Variants in RTN4 observed in about 807,000 individuals in gnomAD.
RTN4 encodes the protein reticulon 4.
A neutral mutation model predicts 90.4 loss-of-function variants in RTN4; 32 were observed. That is an observed-to-expected ratio of 0.35 (90% CI 0.27 to 0.48). The LOEUF is 0.48. RTN4 is among the 20% of genes least tolerant of loss of function. The pLI is 0.99. For synonymous variants in RTN4, 629 were observed against 552.5 expected (o/e 1.14, Z -1.94); for missense variants, 1,706 against 1,430.2 (o/e 1.19, Z -3.11).
chr2:55,054,836 AGTT>A (rs1668161616), upstream of RTN4, among the ~76,000 whole-genome samples: 1 of 152,224 alleles, frequency 6.6e-6, no homozygotes, highest in African/African-American at 2.4e-5. Context: ...CAGCGTGCTA[AGTT>A]GTTGTCCCTA....
intron 2 of RTN4, among the ~76,000 whole-genome samples, chr2:55,065,101 G>GA (rs1328995622): frequency 6.6e-6 from 1 of 152,198 alleles, no homozygotes; most frequent in Non-Finnish European, 1.5e-5. Flanking sequence ...TCTGTAGCCT[G>GA]AAAAAGCCAT....
the RTN4 span, among the ~76,000 whole-genome samples, chr2:55,120,242 A>C: frequency 3.3e-4 from 50 of 152,300 alleles, no homozygotes; most frequent in South Asian, 0.01. Context: ...AGGTTCTTAG[A>C]AGGAAAGCAA....
At chr2:55,112,590 C>T (rs543206549) in exon 1 of RTN4, 1 of 152,412 alleles carries the variant, frequency 6.6e-6, no homozygotes, top group East Asian at 1.9e-4. Context: ...CGGGCTGCCT[C>T]AGCTGTGTCT....
intron 3 of RTN4, among the ~76,000 whole-genome samples, chr2:55,022,750 T>C (rs1229013488): frequency 6.6e-6 from 1 of 152,098 alleles, no homozygotes; most frequent in Non-Finnish European, 1.5e-5. Flanking sequence ...AGAAGTGCAA[T>C]ACAGTATCAT....
At chr2:55,080,286 G>A (rs183709244) in intron 2 of RTN4, among the ~76,000 whole-genome samples, 8 of 152,160 alleles carry the variant, frequency 5.3e-5, no homozygotes, top group African/African-American at 9.6e-5. Flanking sequence ...CCAAAGTACT[G>A]GGATTACAGG....
chr2:55,134,571 T>C, the RTN4 span, among the ~76,000 whole-genome samples: 2 of 152,348 alleles, frequency 1.3e-5, no homozygotes, highest in South Asian at 4.1e-4. Context: ...GTTTGCTTCC[T>C]GACATAAACA....
rs1238930642 is a variant in RTN4 at position 54,972,471 on chromosome 2, G to A, written c.*685C>T. ...TTTCATGTTGAAAACAGATGGTAGT[G>A]CTCCTAGAAATATTTCTTCTTCTAG... On this transcript the variant is annotated 3_prime_UTR_variant, in exon 9 of 9. Transcript: ENST00000337526. The A allele has an allele frequency of 6.6e-6, 1 of 152,538 alleles. No homozygotes were observed. The highest frequency in any genetic ancestry group is 1.9e-4 in the East Asian group (1 of 5,202). 9.4% of individuals were successfully genotyped at this position (152,538 alleles called of 1,614,324 possible). A position where few individuals can be genotyped will look rare whatever the true frequency, so the allele number is the denominator to read the frequency against.
At chr2:55,018,009 T>C (rs1323577470) in intron 3 of RTN4, among the ~76,000 whole-genome samples, 2 of 152,170 alleles carry the variant, frequency 1.3e-5, no homozygotes, top group Admixed American at 6.5e-5. Flanking sequence ...TGAAACTAGG[T>C]AACAACTAAT....
intron 3 of RTN4, among the ~76,000 whole-genome samples, chr2:54,993,075 GA>G (rs61127530): frequency 0.05 from 3,260 of 64,624 alleles, 68 homozygotes; most frequent in African/African-American, 0.099. Flanking sequence ...CTCCATCTCG[GA>G]AAAAAAAAAA....
chr2:55,005,881 T>C (rs189985828), intron 3 of RTN4, among the ~76,000 whole-genome samples: 1 of 152,280 alleles, frequency 6.6e-6, no homozygotes, highest in Non-Finnish European at 1.5e-5. Flanking sequence ...GTTAAGTATT[T>C]ATGTGTGGAA....
the RTN4 span, among the ~76,000 whole-genome samples, chr2:55,119,871 G>A: frequency 1.3e-5 from 2 of 152,232 alleles, no homozygotes; most frequent in Non-Finnish European, 1.5e-5. Flanking sequence ...GGGTGGAGGA[G>A]TCAGACCATT....
upstream of RTN4, among the ~76,000 whole-genome samples, chr2:55,055,769 C>CA (rs1316922151): frequency 2.1e-3 from 209 of 97,758 alleles, no homozygotes; most frequent in South Asian, 6.1e-3. Context: ...GACTCCGTCT[C>CA]AAAAAAAAAA....
Position 55,027,533 on chromosome 2 carries a change from G to C in RTN4, c.614-48C>G, listed in dbSNP as rs141868105. On this transcript the variant is annotated intron_variant, in intron 2 of 8. Transcript: ENST00000337526. The stretch of plus-strand genomic sequence containing the variant: ...AAGTTAGAGAATGCCAGTGTTCTCA[G>C]AGTTAATGCAAGTTTTATGACAGAT... The C allele has an allele frequency of 7.9e-4, 1,210 of 1,538,732 alleles. 4 individuals carry two copies. Among genetic ancestry groups the C allele is most frequent in the Admixed American group, 2.1e-3 (96 of 46,420 alleles).
chr2:55,133,322 T>C, the RTN4 span, among the ~76,000 whole-genome samples: 3 of 148,132 alleles, frequency 2.0e-5, no homozygotes, highest in African/African-American at 7.3e-5. Flanking sequence ...AAGCACATCA[T>C]GGAGAATGCG....
chr2:55,114,925 G>A (rs1668098434), upstream of RTN4, among the ~76,000 whole-genome samples: 1 of 152,006 alleles, frequency 6.6e-6, no homozygotes, highest in Admixed American at 6.6e-5. Flanking sequence ...ACGAGATAGA[G>A]GTATTTATTA....
At chr2:54,987,234 C>T (rs182311605) in intron 4 of RTN4, among the ~76,000 whole-genome samples, 158 of 152,314 alleles carry the variant, frequency 1.0e-3, no homozygotes, top group African/African-American at 3.4e-3. Flanking sequence ...ATAACCAATG[C>T]TTAACTCTAA....
the RTN4 span, among the ~76,000 whole-genome samples, chr2:55,118,295 C>T: frequency 1.3e-5 from 2 of 152,044 alleles, no homozygotes; most frequent in Admixed American, 1.3e-4. Context: ...TGGGACCTTG[C>T]CTCTACAAAT....
At chr2:55,091,444 C>T (rs952484827) in intron 1 of RTN4, among the ~76,000 whole-genome samples, 1 of 152,220 alleles carries the variant, frequency 6.6e-6, no homozygotes, top group Non-Finnish European at 1.5e-5. Flanking sequence ...AAACTTCTAG[C>T]CCCTGCTCAC....
intron 2 of RTN4, among the ~76,000 whole-genome samples, chr2:55,077,009 G>A (rs950271938): frequency 1.3e-5 from 1 of 76,644 alleles, no homozygotes. Context: ...GTCTCAGGCA[G>A]TTCTTTTTTT....
Sources: gnomAD v4.1 joint callset for allele counts (sites outside exome capture counted in the v4.1 genomes callset) on GRCh38, gnomAD v4.1.1 for gene constraint, MANE v1.5 for transcripts, NCBI Gene and HGNC (gene_info 2026-07-23, HGNC 2026-07-21) for gene names.